YME1L1: variants seen among roughly 807,000 people sequenced by gnomAD.
The protein encoded by YME1L1 is ATP-dependent zinc metalloprotease YME1L1.
A neutral mutation model predicts 90.4 loss-of-function variants in YME1L1; 39 were observed. The ratio of observed to expected loss-of-function variants is 0.43; its 90% CI spans 0.33 to 0.56. YME1L1 has a LOEUF of 0.56. YME1L1 is among the 20% of genes least tolerant of loss of function. The pLI, the probability that YME1L1 is intolerant of heterozygous loss-of-function variation, is 0.03. For synonymous variants in YME1L1, 284 were observed against 287.3 expected (o/e 0.99, Z 0.12); for missense variants, 617 against 868.4 (o/e 0.71, Z 3.64).
chr10:27,123,765 AAAAT>A (rs1323491269), intron 9 of YME1L1, 66 bp from the exon 10 acceptor site: 1 of 1,459,494 alleles, frequency 6.9e-7, no homozygotes, highest in Admixed American at 2.3e-5. Flanking sequence ...ATGAACCTAT[AAAAT>A]AAATAATTAT....
chr10:27,148,500 G>A (rs1362560484), intron 2 of YME1L1, among the ~76,000 whole-genome samples: 1 of 152,004 alleles, frequency 6.6e-6, no homozygotes, highest in African/African-American at 2.4e-5. Flanking sequence ...ACTTTCTCCG[G>A]TCTCTGCCAC....
At chr10:27,119,233 C>G in intron 14 of YME1L1, 61 bp downstream of exon 14, 1 of 1,482,492 alleles carries the variant, frequency 6.7e-7, no homozygotes, top group Non-Finnish European at 9.0e-7. Context: ...GTATTTGCCC[C>G]TAAATGAATT....
intron 1 of YME1L1, among the ~76,000 whole-genome samples, 199 bp from the exon 2 acceptor site, chr10:27,149,239 A>C (rs529958399): frequency 6.6e-6 from 1 of 152,340 alleles, no homozygotes; most frequent in East Asian, 1.9e-4. Context: ...TGAATATGTA[A>C]ATCAAAAGTA....
chr10:27,132,806 C>T lies in YME1L1; in HGVS notation c.776-865G>A, dbSNP rs149288431. Among the ~76,000 whole-genome samples, 218 of 151,330 alleles carry T rather than the reference C, an allele frequency of 1.4e-3. 1 individual carries two copies. Among genetic ancestry groups the T allele is most frequent in the African/African-American group, 5.1e-3 (211 of 41,240 alleles). On this transcript the variant is annotated intron_variant, in intron 7 of 18. Transcript: ENST00000376016. ...CTGCACTCCAGCCTGGGCAACAGAG[C>T]GAGACTCCATCTCAAAAAAAATAAA...
At chr10:27,119,587 T>C in intron 13 of YME1L1, 138 bp from the exon 14 acceptor site, 1 of 877,206 alleles carries the variant, frequency 1.1e-6, no homozygotes, top group Non-Finnish European at 1.7e-6. Flanking sequence ...GGCAGGCAGA[T>C]CACCTAAGGA....
At chr10:27,129,359 TGGAAA>T (rs1486420383) in intron 8 of YME1L1, 1 of 152,050 alleles carries the variant, frequency 6.6e-6, no homozygotes, top group Non-Finnish European at 1.5e-5. Context: ...CCATTTAAAC[TGGAAA>T]GGAAAGGAAA....
At chr10:27,115,960 G>T in intron 17 of YME1L1, 100 bp downstream of exon 17, 1 of 1,060,972 alleles carries the variant, frequency 9.4e-7, no homozygotes, top group Non-Finnish European at 1.4e-6. Context: ...TTTGGAGTGA[G>T]AGAAAAAGTG....
chr10:27,126,711 C>T lies in YME1L1; in HGVS notation c.934G>A (p.Gly312Ser), dbSNP rs2056923265. The T allele has an allele frequency of 6.4e-7, 1 of 1,551,672 alleles. No homozygotes were observed. Among genetic ancestry groups the T allele is most frequent in the Non-Finnish European group, 8.7e-7 (1 of 1,144,026 alleles). The change falls in exon 9 of 19, where the codon GGT (glycine) becomes AGT (serine). Residue 312 changes from glycine (G) to serine (S), a missense_variant. Gly to Ser is a moderately conservative substitution (Grantham distance 56). Around this residue, in one of 4 missense-constraint regions of YME1L1, gnomAD observed 93 missense variants for 184.8 expected, o/e 0.50. Transcript: ENST00000376016. ...KNPQKFTILG[G>S]KLPKGILLVG... ...GATATCTTACCTTTTGGAAGTTTAC[C>T]TCCAAGAATAGTAAATTTTTGTGGA...
At chr10:27,135,457 T>A (rs1564463566) in intron 5 of YME1L1, among the ~76,000 whole-genome samples, 1 of 152,236 alleles carries the variant, frequency 6.6e-6, no homozygotes. Context: ...CATTTTGATA[T>A]TATGTTAGAA....
intron 9 of YME1L1, among the ~76,000 whole-genome samples, chr10:27,124,008 T>C (rs1478271025): frequency 2.0e-5 from 3 of 152,120 alleles, no homozygotes; most frequent in African/African-American, 4.8e-5. Flanking sequence ...CATGTAAAAA[T>C]AGATTAAAAG....
chr10:27,145,739 T>C (rs1267447201), intron 2 of YME1L1, 149 bp from the exon 3 acceptor site: 5 of 705,510 alleles, frequency 7.1e-6, no homozygotes, highest in South Asian at 3.8e-5. Flanking sequence ...TTGATGCAAA[T>C]ATTTTCACAG....
At chr10:27,112,706 T>C (rs1291293143) in intron 18 of YME1L1, among the ~76,000 whole-genome samples, 1 of 152,004 alleles carries the variant, frequency 6.6e-6, no homozygotes. Flanking sequence ...TCTGTCACTC[T>C]CTCTCTCTCT....
intron 2 of YME1L1, among the ~76,000 whole-genome samples, chr10:27,147,836 G>A (rs892702278): frequency 2.0e-5 from 3 of 152,134 alleles, no homozygotes; most frequent in Admixed American, 2.0e-4. Flanking sequence ...AGCTTCCCCT[G>A]GCACCACTCG....
intron 17 of YME1L1, among the ~76,000 whole-genome samples, chr10:27,115,157 G>A (rs145844239): frequency 2.1e-3 from 314 of 152,264 alleles, no homozygotes; most frequent in African/African-American, 7.3e-3. Context: ...GGAGGCTGAG[G>A]CAGGAGAATC....
At chr10:27,116,813 A>C (rs1417292500) in intron 15 of YME1L1, among the ~76,000 whole-genome samples, 3 of 152,114 alleles carry the variant, frequency 2.0e-5, no homozygotes, top group Non-Finnish European at 4.4e-5. Context: ...GGATCACTTG[A>C]GCCCAGGAGT....
In YME1L1 at chr10:27,119,510, C is replaced by A. The variant is rs1469840497; in HGVS notation, c.1412-61G>T. ...AAAACAGGTAAAAGAAAGCTCTTCA[C>A]AAAGAACTCACATTCCAACTGGGTG... On this transcript the variant is annotated intron_variant, in intron 13 of 18. Coordinates refer to ENST00000376016, the MANE Select transcript of YME1L1 (RefSeq NM_014263.4). The A allele has an allele frequency of 5.9e-6, 9 of 1,532,060 alleles. No homozygotes were observed. In the East Asian group the frequency reaches 1.6e-4, roughly 28 times the overall value. 94.9% of individuals were successfully genotyped at this position (1,532,060 alleles called of 1,614,324 possible).
At chr10:27,113,915 C>T (rs899568677) in intron 18 of YME1L1, among the ~76,000 whole-genome samples, 2 of 150,152 alleles carry the variant, frequency 1.3e-5, no homozygotes, top group East Asian at 1.9e-4. Flanking sequence ...GATCATGCCA[C>T]TACACTCTAG....
chr10:27,128,297 T>C (rs2056941003), intron 8 of YME1L1, among the ~76,000 whole-genome samples: 2 of 152,224 alleles, frequency 1.3e-5, no homozygotes, highest in South Asian at 4.1e-4. Context: ...TGAATTACTT[T>C]GCTCTATATA....
intron 9 of YME1L1, among the ~76,000 whole-genome samples, chr10:27,124,869 AT>A: frequency 6.6e-6 from 1 of 152,200 alleles, no homozygotes; most frequent in Middle Eastern, 3.4e-3. Flanking sequence ...CTCTTTTTTA[AT>A]TCCTTTTTGC....
Sources: allele counts gnomAD v4.1 joint callset (sites outside exome capture counted in the v4.1 genomes callset), GRCh38; gene constraint gnomAD v4.1.1; regional missense constraint gnomAD v4.1.1; transcripts MANE v1.5; gene names NCBI Gene and HGNC (gene_info 2026-07-23, HGNC 2026-07-21).